IL18RAP: variants seen among roughly 807,000 people sequenced by gnomAD.
The protein encoded by IL18RAP is interleukin 18 receptor accessory protein.
In IL18RAP, 37 loss-of-function variants were observed where a neutral mutation model predicts 58.1. That is an observed-to-expected ratio of 0.64 (90% CI 0.49 to 0.84). The LOEUF (loss-of-function observed/expected upper bound fraction) is 0.84. Among genes scored for constraint, IL18RAP ranks in the 40% least tolerant of loss-of-function variants. The pLI, the probability that IL18RAP is intolerant of heterozygous loss-of-function variation, is 0.00. For missense variants in IL18RAP, 667 were observed against 704.8 expected (o/e 0.95, Z 0.61); for synonymous variants, 268 against 257.5 (o/e 1.04, Z -0.39).
intron 3 of IL18RAP, among the ~76,000 whole-genome samples, chr2:102,435,958 T>C (rs1307396442): frequency 6.6e-6 from 1 of 151,800 alleles, no homozygotes; most frequent in African/African-American, 2.4e-5. Flanking sequence ...CTGCTTCACA[T>C]ATGAGCAAAA....
chr2:102,447,107 C>T lies in IL18RAP; in HGVS notation c.1110C>T (p.Thr370=). 1 of 1,614,082 alleles carries T rather than the reference C, an allele frequency of 6.2e-7. No individual in the cohort carries two copies. The highest frequency in any genetic ancestry group is 1.7e-5 in the Admixed American group (1 of 60,022). ...ACATCCTGCTTGGCACCATCGGGAC[C>T]CTGGTGGCCGTGCTGGCGGCGAGTG... is the stretch of plus-strand genomic sequence containing the variant. ...LLYILLGTIG[T]LVAVLAASAL... Residue 370 remains threonine (T), a synonymous_variant, in exon 8 of 10, where the codon ACC becomes ACT. Coordinates refer to ENST00000687160, the MANE Select transcript of IL18RAP (RefSeq NM_001393487.1).
upstream of IL18RAP, among the ~76,000 whole-genome samples, chr2:102,422,061 C>T (rs1681607589): frequency 6.6e-6 from 1 of 152,032 alleles, no homozygotes; most frequent in African/African-American, 2.4e-5. Context: ...ATCATGCAGA[C>T]TCTAGCAGGC....
intron 3 of IL18RAP, among the ~76,000 whole-genome samples, chr2:102,433,414 G>T (rs1435418523): frequency 1.3e-5 from 2 of 152,110 alleles, no homozygotes; most frequent in Non-Finnish European, 2.9e-5. Context: ...TGTAGAGAAG[G>T]GGTTTCACTA....
Position 102,450,987 on chromosome 2 carries a change from G to A in IL18RAP, c.1350G>A (p.Leu450=), listed in dbSNP as rs778078914. The A allele has an allele frequency of 6.2e-7, 1 of 1,604,534 alleles. No individual in the cohort carries two copies. Among genetic ancestry groups the A allele is most frequent in the African/African-American group, 1.3e-5 (1 of 74,688 alleles). The change falls in exon 9 of 10, where the codon CTG becomes CTA. Residue 450 remains leucine (L), a synonymous_variant. Transcript: ENST00000687160. ...DVLENKYGYS[L]CLLERDVAPG... is the part of the protein sequence containing the mutation. ...TAGAAAACAAATATGGATATAGCCT[G>A]TGTTTGCTTGAAAGAGATGTGGCTC...
intron 1 of IL18RAP, 46 bp from the exon 2 acceptor site, chr2:102,423,765 C>T: frequency 1.3e-5 from 18 of 1,344,404 alleles, no homozygotes; most frequent in Non-Finnish European, 1.9e-5. Context: ...GCTAGAATTC[C>T]ATTTTCTAAT....
intron 9 of IL18RAP, among the ~76,000 whole-genome samples, chr2:102,451,288 TGCGAAGTGAACTACTC>T (rs1683750309): frequency 6.6e-6 from 1 of 152,248 alleles, no homozygotes; most frequent in Non-Finnish European, 1.5e-5. Context: ...AGCTGAAGGC[TGCGAAGTGAACTACTC>T]GCTCACCCCA....
chr2:102,445,455 A>G (rs1356724234), intron 7 of IL18RAP, 115 bp downstream of exon 7: 6 of 1,142,766 alleles, frequency 5.3e-6, no homozygotes, highest in Admixed American at 2.3e-5. Context: ...GGTGACAGAC[A>G]TTGTTTTAAG....
At chr2:102,449,775 G>T (rs6543139) in intron 8 of IL18RAP, among the ~76,000 whole-genome samples, 1 of 152,186 alleles carries the variant, frequency 6.6e-6, no homozygotes, top group Non-Finnish European at 1.5e-5. Context: ...TTCACATGAT[G>T]TGGAAGGAAT....
At chr2:102,440,207 G>A (rs575243013) in intron 4 of IL18RAP, 1 of 152,572 alleles carries the variant, frequency 6.6e-6, no homozygotes, top group African/African-American at 2.4e-5. Flanking sequence ...ATAGTTAAAA[G>A]AGACACAGAG....
intron 7 of IL18RAP, among the ~76,000 whole-genome samples, chr2:102,446,853 C>T (rs557981827): frequency 9.9e-5 from 15 of 151,960 alleles, no homozygotes; most frequent in African/African-American, 3.4e-4. Flanking sequence ...CAGGTTGCTG[C>T]ACATGCCATT....
intron 3 of IL18RAP, among the ~76,000 whole-genome samples, chr2:102,425,927 G>A (rs761053918): frequency 2.2e-4 from 33 of 152,114 alleles, no homozygotes; most frequent in East Asian, 9.6e-4. Context: ...GACTGCAAAC[G>A]TCAACATGTG....
At position 102,424,363 on chromosome 2, in the gene IL18RAP, C is replaced by T; in HGVS notation, c.528C>T (p.Pro176=). ...LLGSTGSISC[P]SLSCQSDAQS... Reference sequence around the variant, plus strand: ...GGAGCACTGGCTCTATTTCTTGCCCCAGTCTCAGCTGCCAAAGTGATGCAC... The same window carrying T: ...GGAGCACTGGCTCTATTTCTTGCCCTAGTCTCAGCTGCCAAAGTGATGCAC... Residue 176 remains proline (P), a synonymous_variant, in exon 3 of 10, where the codon CCC becomes CCT. Coordinates refer to ENST00000687160, the MANE Select transcript of IL18RAP (RefSeq NM_001393487.1). 1 of 1,614,058 alleles carries T rather than the reference C, an allele frequency of 6.2e-7. No individual in the cohort carries two copies. The highest frequency in any genetic ancestry group is 8.5e-7 in the Non-Finnish European group (1 of 1,179,952).
chr2:102,444,796 T>A (rs2104372559), intron 6 of IL18RAP, among the ~76,000 whole-genome samples: 1 of 152,314 alleles, frequency 6.6e-6, no homozygotes, highest in South Asian at 2.1e-4. Flanking sequence ...TACTCTAGGG[T>A]TCCTGGGAGG....
At chr2:102,442,281 G>T (rs1426092677) in intron 5 of IL18RAP, among the ~76,000 whole-genome samples, 1 of 151,514 alleles carries the variant, frequency 6.6e-6, no homozygotes, top group Non-Finnish European at 1.5e-5. Flanking sequence ...ATAAAATGCT[G>T]TTTTTCTTTT....
chr2:102,430,576 T>A (rs887823283), intron 3 of IL18RAP, among the ~76,000 whole-genome samples: 1 of 152,142 alleles, frequency 6.6e-6, no homozygotes, highest in African/African-American at 2.4e-5. Flanking sequence ...AAGCACAGGC[T>A]GTTGCCATTT....
At chr2:102,451,451 C>T (rs1683760008) in intron 9 of IL18RAP, among the ~76,000 whole-genome samples, 1 of 152,228 alleles carries the variant, frequency 6.6e-6, no homozygotes, top group African/African-American at 2.4e-5. Context: ...CTGCTGGCCT[C>T]CTCCTCCTCA....
chr2:102,444,085 G>A (rs772811853), intron 6 of IL18RAP, among the ~76,000 whole-genome samples: 5 of 152,172 alleles, frequency 3.3e-5, no homozygotes, highest in Non-Finnish European at 5.9e-5. Context: ...TCGAAGATGT[G>A]ACCCAGAGTA....
intron 3 of IL18RAP, among the ~76,000 whole-genome samples, chr2:102,430,834 G>A (rs1206624930): frequency 1.6e-4 from 24 of 151,838 alleles, no homozygotes; most frequent in South Asian, 1.2e-3. Flanking sequence ...TTTCCTCCCC[G>A]CTACCTTTTA....
At chr2:102,432,627 G>A (rs569327501) in intron 3 of IL18RAP, among the ~76,000 whole-genome samples, 1 of 152,154 alleles carries the variant, frequency 6.6e-6, no homozygotes, top group African/African-American at 2.4e-5. Context: ...GATAGCCTTA[G>A]GCAGGGCATT....
Sources: gnomAD v4.1 joint callset for allele counts (sites outside exome capture counted in the v4.1 genomes callset) on GRCh38, gnomAD v4.1.1 for gene constraint, MANE v1.5 for transcripts, NCBI Gene and HGNC (gene_info 2026-07-23, HGNC 2026-07-21) for gene names.